DPP6: variants seen among roughly 807,000 people sequenced by gnomAD.
DPP6 encodes A-type potassium channel modulatory protein DPP6.
In DPP6, 69 loss-of-function variants were observed where a neutral mutation model predicts 122.6. The ratio of observed to expected loss-of-function variants is 0.56; its 90% CI spans 0.46 to 0.69. The LOEUF is 0.69. Ranked by LOEUF, DPP6 falls within the 30% of genes least tolerant of loss-of-function variation. The probability of loss-of-function intolerance (pLI) is 0.00; values close to 1 mark genes in which losing one functional copy is unlikely to be tolerated. For missense variants in DPP6, 928 were observed against 1,116.9 expected (o/e 0.83, Z 2.41); for synonymous variants, 418 against 433.1 (o/e 0.97, Z 0.43).
At chr7:154,587,785 C>G (rs760541212) in intron 5 of DPP6, 6 of 1,610,594 alleles carry the variant, frequency 3.7e-6, no homozygotes, top group African/African-American at 1.3e-5. Flanking sequence ...TCTTCCTCTT[C>G]ACTGCCTGCG....
chr7:154,732,133 G>A lies in DPP6; in HGVS notation c.883+4246G>A, dbSNP rs192787525. 7.7e-3 allele frequency among the ~76,000 whole-genome samples: 1,165 copies of A among 151,894 alleles called. 5 individuals carry two copies. The highest frequency in any genetic ancestry group is 0.024 in the Middle Eastern group (7 of 294). Reference sequence around the variant, plus strand: ...GGCTCACTGCAAGCTCCGCCTCCCAGGGTCACACCATTCTCCTGCCTCAGC... The same window carrying A: ...GGCTCACTGCAAGCTCCGCCTCCCAAGGTCACACCATTCTCCTGCCTCAGC... On this transcript the variant is annotated intron_variant, in intron 8 of 25. Transcript: ENST00000377770.
At chr7:153,894,909 T>G (rs38979) in intron 1 of DPP6, among the ~76,000 whole-genome samples, 56,665 of 151,948 alleles carry the variant, frequency 0.37, 10,656 homozygotes, top group African/African-American at 0.41. Flanking sequence ...AATCAAGTCT[T>G]GTTCCCTGGG....
At chr7:154,189,189 C>T (rs1296504640) in intron 1 of DPP6, among the ~76,000 whole-genome samples, 1 of 152,140 alleles carries the variant, frequency 6.6e-6, no homozygotes, top group Non-Finnish European at 1.5e-5. Flanking sequence ...ATACCTTTTT[C>T]CCCAAGGGAC....
At chr7:154,623,232 G>A (rs1834810473) in intron 5 of DPP6, among the ~76,000 whole-genome samples, 2 of 152,220 alleles carry the variant, frequency 1.3e-5, no homozygotes, top group Non-Finnish European at 2.9e-5. Context: ...TCCTGAGGGT[G>A]TATGCTGTTG....
intron 1 of DPP6, among the ~76,000 whole-genome samples, chr7:154,062,976 C>A (rs1802227639): frequency 7.6e-6 from 1 of 131,020 alleles, no homozygotes; most frequent in Non-Finnish European, 1.7e-5. Context: ...AGGTACCTTA[C>A]GTGGAATTAC....
At chr7:154,830,408 G>T (rs1039552354) in intron 16 of DPP6, among the ~76,000 whole-genome samples, 2 of 152,200 alleles carry the variant, frequency 1.3e-5, no homozygotes, top group Admixed American at 6.5e-5. Context: ...ACAAAGAAGC[G>T]CTTGAAGGAA....
At chr7:154,123,129 A>C (rs878897119) in intron 1 of DPP6, among the ~76,000 whole-genome samples, 1 of 152,178 alleles carries the variant, frequency 6.6e-6, no homozygotes, top group Non-Finnish European at 1.5e-5. Flanking sequence ...GAAACAAACC[A>C]TAATAAAGAA....
intron 5 of DPP6, among the ~76,000 whole-genome samples, chr7:154,586,332 A>T (rs1415603137): frequency 2.0e-5 from 3 of 152,162 alleles, no homozygotes; most frequent in Non-Finnish European, 4.4e-5. Context: ...CTTTCCCAGG[A>T]TGGCCATTTC....
At chr7:154,696,096 A>C (rs1018326667) in intron 7 of DPP6, among the ~76,000 whole-genome samples, 2 of 151,860 alleles carry the variant, frequency 1.3e-5, no homozygotes, top group Admixed American at 6.6e-5. Context: ...GCGCTGAACC[A>C]CCTCCACAAA....
At chr7:154,807,759 T>C (rs911841890) in intron 16 of DPP6, among the ~76,000 whole-genome samples, 3 of 151,898 alleles carry the variant, frequency 2.0e-5, no homozygotes, top group Admixed American at 2.0e-4. Context: ...GAGGTGGAGG[T>C]TGCAGTGAGC....
At chr7:154,329,791 A>G (rs537611455) in intron 1 of DPP6, among the ~76,000 whole-genome samples, 15 of 152,358 alleles carry the variant, frequency 9.8e-5, no homozygotes, top group Admixed American at 5.2e-4. Context: ...ATGCCCATCA[A>G]TGATAGACTG....
At chr7:154,060,350 GGCAGGGACTGAGAGCCAGCCCCT>G (rs1563149647) in intron 1 of DPP6, among the ~76,000 whole-genome samples, 26 of 133,010 alleles carry the variant, frequency 2.0e-4, no homozygotes, top group Non-Finnish European at 3.3e-4. Context: ...CCCCCCGCGA[GGCAGGGACTGAGAGCCAGCCCCT>G]GGTTCCCCCA....
rs548540677 is a variant in DPP6 at position 154,760,687 on chromosome 7, G to A, written c.884-8730G>A. Among the ~76,000 whole-genome samples, 4 of 152,250 alleles carry A rather than the reference G, an allele frequency of 2.6e-5. No homozygotes were observed. The highest frequency in any genetic ancestry group is 1.9e-4 in the East Asian group (1 of 5,180). ...TTGCCACACTGGGACCTGTTTGAGCGTGAGGCAGGTGAGCAGAAGACATCA... is the reference window on the plus strand; with the variant it reads ...TTGCCACACTGGGACCTGTTTGAGCATGAGGCAGGTGAGCAGAAGACATCA... On this transcript the variant is annotated intron_variant, in intron 8 of 25. Transcript: ENST00000377770. This position sits in a 1 kb window ranked among gnomAD's most constrained non-coding sequence, Gnocchi z 4.5.
At chr7:154,531,835 T>A (rs1827860349) in intron 3 of DPP6, among the ~76,000 whole-genome samples, 1 of 152,150 alleles carries the variant, frequency 6.6e-6, no homozygotes, top group Non-Finnish European at 1.5e-5. Context: ...CATTATTAAC[T>A]GCTTCTGGAC....
rs542480748 is a variant in DPP6 at position 154,760,015 on chromosome 7, C to T, written c.884-9402C>T. On this transcript the variant is annotated intron_variant, in intron 8 of 25. Transcript: ENST00000377770. This position sits in a 1 kb window ranked among gnomAD's most constrained non-coding sequence, Gnocchi z 4.5. ...GTGCACACCTGTAGTCCCAGCTACTCGGGAGGCCGAGGCAGAAGAATCACT... is the reference window on the plus strand; with the variant it reads ...GTGCACACCTGTAGTCCCAGCTACTTGGGAGGCCGAGGCAGAAGAATCACT... Among the ~76,000 whole-genome samples, 20 of 152,200 alleles carry T rather than the reference C, an allele frequency of 1.3e-4. No homozygotes were observed. The highest frequency in any genetic ancestry group is 6.2e-4 in the South Asian group (3 of 4,812).
chr7:153,986,670 A>G (rs773855775), intron 1 of DPP6, among the ~76,000 whole-genome samples: 5 of 152,190 alleles, frequency 3.3e-5, no homozygotes, highest in Non-Finnish European at 5.9e-5. Flanking sequence ...ATCGTTGGTG[A>G]ACTTTTCCTT....
chr7:154,766,859 C>T (rs1211944466), intron 8 of DPP6, among the ~76,000 whole-genome samples: 1 of 152,180 alleles, frequency 6.6e-6, no homozygotes, highest in African/African-American at 2.4e-5. Context: ...GAGAGCGAGT[C>T]TAGAAATGAG....
intron 20 of DPP6, among the ~76,000 whole-genome samples, chr7:154,878,001 C>A (rs3807288): frequency 0.011 from 1,739 of 152,310 alleles, 14 homozygotes; most frequent in East Asian, 0.036. Context: ...GGCCTGGCTT[C>A]CTGGGTGGGG....
At chr7:154,159,635 C>T (rs1796873272) in intron 1 of DPP6, among the ~76,000 whole-genome samples, 1 of 152,290 alleles carries the variant, frequency 6.6e-6, no homozygotes, top group African/African-American at 2.4e-5. Context: ...GTCTGCCTCC[C>T]AGACATGAAC....
Sources: gnomAD v4.1 joint callset for allele counts (sites outside exome capture counted in the v4.1 genomes callset) on GRCh38, gnomAD v4.1.1 for gene constraint, Gnocchi (gnomAD v3.1) non-coding constraint, MANE v1.5 for transcripts, NCBI Gene and HGNC (gene_info 2026-07-23, HGNC 2026-07-21) for gene names.